Variants in CABP4 observed in about 807,000 individuals in gnomAD.
CABP4 encodes the protein calcium-binding protein 4.
In CABP4, 30 loss-of-function variants were observed where a neutral mutation model predicts 30.7. The observed-to-expected ratio is 0.98, with a 90% CI of 0.73 to 1.33. CABP4 has a LOEUF of 1.33. CABP4 is among the 40% of genes most tolerant of loss of function. CABP4 has a pLI of 0.00. For synonymous variants in CABP4, 161 were observed against 159.2 expected (o/e 1.01, Z -0.08); for missense variants, 424 against 395.5 (o/e 1.07, Z -0.61).
At chr11:67,457,014 C>T (rs911288537) in intron 3 of CABP4, among the ~76,000 whole-genome samples, 1 of 152,058 alleles carries the variant, frequency 6.6e-6, no homozygotes, top group African/African-American at 2.4e-5. Context: ...GCATTTTTTC[C>T]TTAAAATTCC....
chr11:67,453,891 G>A (rs1039134626), upstream of CABP4, among the ~76,000 whole-genome samples: 11 of 152,222 alleles, frequency 7.2e-5, no homozygotes, highest in South Asian at 6.2e-4. Flanking sequence ...CAGGGGACCC[G>A]AAGGTAGGGA....
chr11:67,453,017 C>CTTTTCT (rs1554995804), upstream of CABP4: 4 of 208,088 alleles, frequency 1.9e-5, no homozygotes, highest in East Asian at 2.0e-4. Context: ...CTTTTCTTTT[C>CTTTTCT]TTTTTTTTTT....
At position 67,455,967 on chromosome 11, in the gene CABP4, C is replaced by T. The variant is rs369183631; in HGVS notation, c.366+178C>T. 1.8e-4 allele frequency: 202 copies of T among 1,151,558 alleles called. 1 individual carries two copies. In the East Asian group the frequency reaches 2.1e-3, roughly 12 times the overall value. 71.3% of individuals were successfully genotyped at this position (1,151,558 alleles called of 1,614,324 possible). ...AGGGTAGGTCTCGGGCCAGCGTGGG[C>T]GGTGGGCAGAGCCAGAATTCACACC... On this transcript the variant is annotated intron_variant, in intron 1 of 5. Coordinates refer to ENST00000325656, the MANE Select transcript of CABP4 (RefSeq NM_145200.5).
At position 67,456,201 on chromosome 11, in the gene CABP4, G is replaced by T; in HGVS notation, c.380G>T (p.Gly127Val). Residue 127 changes from glycine to valine, a missense_variant, in exon 2 of 6, where the codon GGC (glycine) becomes GTC (valine). Physicochemically the swap from Gly to Val is moderately radical, Grantham distance 109. Coordinates refer to ENST00000325656, the MANE Select transcript of CABP4 (RefSeq NM_145200.5). ...NRVFGKDREL[G>V]PEELDELQAA... ...CTCCCCCTGCAGGACCGCGAACTGG[G>T]CCCCGAGGAGCTAGACGGTGAGTGG... 6.2e-7 allele frequency: 1 copy of T among 1,613,438 alleles called. No homozygotes were observed.
At chr11:67,452,772 T>A (rs201087097), upstream of CABP4, 1 of 1,430,024 alleles carries the variant, frequency 7.0e-7, no homozygotes, top group East Asian at 2.3e-5. Context: ...GCCTGGTGAA[T>A]CAATGATGGT....
upstream of CABP4, among the ~76,000 whole-genome samples, chr11:67,454,763 G>A (rs1048782411): frequency 8.5e-5 from 13 of 152,130 alleles, no homozygotes; most frequent in Non-Finnish European, 1.5e-5. Flanking sequence ...CCTCCCCAGG[G>A]CCTCTCTAGC....
upstream of CABP4, among the ~76,000 whole-genome samples, chr11:67,455,007 C>T (rs772912389): frequency 6.6e-6 from 1 of 152,258 alleles, no homozygotes; most frequent in Non-Finnish European, 1.5e-5. Context: ...CCCTGGTCCT[C>T]TCTGCCTAAC....
At chr11:67,456,466 C>T (rs112133784) in intron 3 of CABP4, 24 bp downstream of exon 3, 28 of 1,605,312 alleles carry the variant, frequency 1.7e-5, no homozygotes, top group African/African-American at 2.7e-5. Context: ...CCCGCCCGCC[C>T]GGGCAGCCTG....
In CABP4 at chr11:67,457,833, A is replaced by C. The variant is rs1624189; in HGVS notation, c.651+151A>C. Reference sequence around the variant, plus strand: ...TGGGTCAGAGATGGTTCAGATCACTACCAGCTAGAGGATCCGTCCAGGGGG... The same window carrying C: ...TGGGTCAGAGATGGTTCAGATCACTCCCAGCTAGAGGATCCGTCCAGGGGG... On this transcript the variant is annotated intron_variant, in intron 4 of 5. Transcript: ENST00000325656. 29,778 of 658,746 alleles carry C rather than the reference A, an allele frequency of 0.045. 6,504 individuals carry two copies. The African/African-American group carries it at 0.48, about 11-fold the overall frequency. 40.8% of individuals were successfully genotyped at this position (658,746 alleles called of 1,614,324 possible).
chr11:67,454,822 C>T (rs905658110), upstream of CABP4, among the ~76,000 whole-genome samples: 2 of 152,226 alleles, frequency 1.3e-5, no homozygotes, highest in South Asian at 2.1e-4. Context: ...CACATCACCC[C>T]CCGTGCTCCT....
In CABP4 at chr11:67,455,724, C is replaced by A; in HGVS notation, c.301C>A (p.Pro101Thr). The change falls in exon 1 of 6, where the codon CCT (proline) becomes ACT (threonine). Residue 101 changes from proline (P) to threonine (T), a missense_variant. By Grantham distance (38) the Pro-to-Thr change is conservative. Coordinates refer to ENST00000325656, the MANE Select transcript of CABP4 (RefSeq NM_145200.5). Reference sequence around the variant, plus strand: ...TTCTCGCCAGTCCCACCGACATCGTCCTGACTCCCTGCACGACGCTGCTCA... The same window carrying A: ...TTCTCGCCAGTCCCACCGACATCGTACTGACTCCCTGCACGACGCTGCTCA... ...ASSRQSHRHR[P>T]DSLHDAAQRT... The A allele has an allele frequency of 6.2e-7, 1 of 1,607,622 alleles. No individual in the cohort carries two copies.
chr11:67,452,840 C>T (rs1864611080), upstream of CABP4: 1 of 786,326 alleles, frequency 1.3e-6, no homozygotes. Context: ...GTCACCATCC[C>T]TCCCTGCGCC....
chr11:67,457,740 C>T (rs1257207397), intron 4 of CABP4, 58 bp downstream of exon 4: 1 of 1,393,136 alleles, frequency 7.2e-7, no homozygotes, highest in Non-Finnish European at 9.9e-7. Flanking sequence ...TCCTTGCTGG[C>T]CTCTCACTCA....
In CABP4 at chr11:67,457,582, G is replaced by C; in HGVS notation, c.551G>C (p.Arg184Pro). The C allele has an allele frequency of 6.3e-7, 1 of 1,590,036 alleles. No homozygotes were observed. The highest frequency in any genetic ancestry group is 1.3e-5 in the African/African-American group (1 of 74,758). ...SQHIKMRMGG[R>P]VDFEEFVELI... The stretch of plus-strand genomic sequence containing the variant: ...CTTCCTGGGTCTGCAGTGGGCGGCC[G>C]TGTGGACTTTGAGGAGTTTGTAGAA... The change falls in exon 4 of 6, where the codon CGT becomes CCT. Residue 184 changes from arginine to proline, a missense_variant. Physicochemically the swap from Arg to Pro is moderately radical, Grantham distance 103. Coordinates refer to ENST00000325656, the MANE Select transcript of CABP4 (RefSeq NM_145200.5).
At chr11:67,455,919 G>A in intron 1 of CABP4, 130 bp downstream of exon 1, 2 of 1,356,160 alleles carry the variant, frequency 1.5e-6, no homozygotes, top group Admixed American at 2.4e-5. Context: ...GGGCTGTGGG[G>A]CAGGGTTGCT....
Position 67,458,456 on chromosome 11 carries a change from C to G in CABP4, c.737C>G (p.Pro246Arg). 3.1e-6 allele frequency: 5 copies of G among 1,613,912 alleles called. No individual in the cohort carries two copies. Among genetic ancestry groups the G allele is most frequent in the Non-Finnish European group, 4.2e-6 (5 of 1,179,968 alleles). The change falls in exon 5 of 6, where the codon CCT (proline) becomes CGT (arginine). Residue 246 changes from proline (P) to arginine (R), a missense_variant. Transcript: ENST00000325656. ...PALLGEPLAG[P>R]ELDEMLREVD... is the part of the protein sequence containing the mutation. ...CTGCTCGGGGAGCCGCTGGCGGGTC[C>G]TGAGCTGGACGAGATGCTCCGAGAA...
Position 67,456,231 on chromosome 11 carries a change from T to A in CABP4, c.397+13T>A, listed in dbSNP as rs1864786634. ...GAGGAGCTAGACGGTGAGTGGCTCT[T>A]GCTGCTGGCAGGGGGTGGGAGCTGT... On this transcript the variant is annotated intron_variant, in intron 2 of 5. Coordinates refer to ENST00000325656, the MANE Select transcript of CABP4 (RefSeq NM_145200.5). 1.2e-6 allele frequency: 2 copies of A among 1,613,514 alleles called. No homozygotes were observed. Among genetic ancestry groups the A allele is most frequent in the Non-Finnish European group, 1.7e-6 (2 of 1,179,982 alleles).
intron 3 of CABP4, 26 bp from the exon 4 acceptor site, chr11:67,457,547 T>C (rs1402386700): frequency 3.2e-6 from 5 of 1,550,308 alleles, no homozygotes; most frequent in East Asian, 4.7e-5. Flanking sequence ...GCCCTCACCA[T>C]TGTGACACTC....
In CABP4 at chr11:67,457,687, G is replaced by T. The variant is rs377174577; in HGVS notation, c.651+5G>T. ...CTGCGCATCGCCTTCCGAGAGGTGC[G>T]GAGTGTGGTGAGGTGGGCAGAGGGG... On this transcript the variant is annotated splice_donor_5th_base_variant and intron_variant, in intron 4 of 5. Transcript: ENST00000325656. 6.4e-7 allele frequency: 1 copy of T among 1,572,662 alleles called. No individual in the cohort carries two copies. Among genetic ancestry groups the T allele is most frequent in the Non-Finnish European group, 8.6e-7 (1 of 1,158,658 alleles).
Sources: gnomAD v4.1 joint callset for allele counts (sites outside exome capture counted in the v4.1 genomes callset) on GRCh38, gnomAD v4.1.1 for gene constraint, MANE v1.5 for transcripts, NCBI Gene and HGNC (gene_info 2026-07-23, HGNC 2026-07-21) for gene names.